The following SORCS2 variants were observed in gnomAD, a reference collection of about 807,000 sequenced individuals.
SORCS2 encodes VPS10 domain-containing receptor SorCS2.
In SORCS2, 100 loss-of-function variants were observed where a neutral mutation model predicts 141.6. The observed-to-expected ratio is 0.71, with a 90% confidence interval of 0.60 to 0.83. The LOEUF (loss-of-function observed/expected upper bound fraction) is 0.83. SORCS2 is among the 40% of genes least tolerant of loss of function. The pLI, the probability that SORCS2 is intolerant of heterozygous loss-of-function variation, is 0.00. For missense variants in SORCS2, 1,646 were observed against 1,560.2 expected, an observed-to-expected ratio of 1.05 and a Z score of -0.93; for synonymous variants, 789 against 676.9, an observed-to-expected ratio of 1.17 and a Z score of -2.57.
At chr4:7,728,638 C>T (rs369643150) in intron 22 of SORCS2, among the ~76,000 whole-genome samples, 176 bp downstream of exon 22, 1 of 152,226 alleles carries the variant, frequency 6.6e-6, no homozygotes, top group East Asian at 1.9e-4. Flanking sequence ...GGGGCAGGCA[C>T]ACTGCCCTTA....
chr4:7,213,158 A>C (rs1728149254), intron 1 of SORCS2, among the ~76,000 whole-genome samples: 1 of 152,222 alleles, frequency 6.6e-6, no homozygotes, highest in African/African-American at 2.4e-5. Flanking sequence ...CCATATCCAC[A>C]ATAATCTGGC....
chr4:7,414,871 G>A (rs184614022), intron 2 of SORCS2, among the ~76,000 whole-genome samples: 139 of 152,228 alleles, frequency 9.1e-4, no homozygotes, highest in African/African-American at 3.0e-3. Context: ...TCAGTTAATT[G>A]CGCTCCTTTG....
intron 3 of SORCS2, among the ~76,000 whole-genome samples, chr4:7,602,704 A>T (rs1251209583): frequency 6.7e-6 from 1 of 148,620 alleles, no homozygotes; most frequent in Non-Finnish European, 1.5e-5. Context: ...GGCTCCTCAC[A>T]TCCCAGACGA....
At chr4:7,232,939 T>A (rs1712004899) in intron 1 of SORCS2, among the ~76,000 whole-genome samples, 1 of 152,182 alleles carries the variant, frequency 6.6e-6, no homozygotes, top group Non-Finnish European at 1.5e-5. Flanking sequence ...ATAGAGACAC[T>A]GCTGCACTGT....
chr4:7,606,573 C>T (rs977255176), intron 3 of SORCS2, among the ~76,000 whole-genome samples: 4 of 152,084 alleles, frequency 2.6e-5, no homozygotes, highest in Non-Finnish European at 2.9e-5. Flanking sequence ...TCCTGAACCT[C>T]CTCAGGAACA....
intron 2 of SORCS2, among the ~76,000 whole-genome samples, chr4:7,465,465 G>A (rs1023005307): frequency 2.6e-5 from 4 of 152,208 alleles, no homozygotes; most frequent in Non-Finnish European, 4.4e-5. Context: ...GCTTCCCTGT[G>A]CAAGGCGCCA....
chr4:7,577,944 A>T (rs1365655184), intron 3 of SORCS2, among the ~76,000 whole-genome samples: 1 of 151,940 alleles, frequency 6.6e-6, no homozygotes, highest in African/African-American at 2.4e-5. Flanking sequence ...TGGAGAAGTC[A>T]TATAGCATAC....
At chr4:7,206,490 A>G (rs999712807) in intron 1 of SORCS2, among the ~76,000 whole-genome samples, 4 of 152,178 alleles carry the variant, frequency 2.6e-5, no homozygotes, top group African/African-American at 7.2e-5. Flanking sequence ...TGCCGGCTCC[A>G]CGAGTAACCT....
chr4:7,715,862 C>T (rs577152734), intron 17 of SORCS2, among the ~76,000 whole-genome samples: 1 of 152,306 alleles, frequency 6.6e-6, no homozygotes, highest in South Asian at 2.1e-4. Context: ...TGACCCCGAG[C>T]CTGCCTCTGT....
chr4:7,579,986 A>G (rs1716036752), intron 3 of SORCS2, among the ~76,000 whole-genome samples: 2 of 152,120 alleles, frequency 1.3e-5, no homozygotes, highest in Non-Finnish European at 2.9e-5. Context: ...TAGGCAAGGA[A>G]GTGGGGACAT....
intron 1 of SORCS2, among the ~76,000 whole-genome samples, chr4:7,344,092 G>T (rs540152656): frequency 6.6e-6 from 1 of 152,346 alleles, no homozygotes; most frequent in African/African-American, 2.4e-5. Context: ...GGTGGGTGCG[G>T]TGTGGACGTG....
At chr4:7,407,848 G>T (rs1725068384) in intron 2 of SORCS2, among the ~76,000 whole-genome samples, 2 of 151,674 alleles carry the variant, frequency 1.3e-5, no homozygotes, top group African/African-American at 4.8e-5. Flanking sequence ...TCTATTATAG[G>T]TTTTTGCATT....
At chr4:7,262,389 TCC>T (rs1714414024) in intron 1 of SORCS2, among the ~76,000 whole-genome samples, 1 of 100,744 alleles carries the variant, frequency 9.9e-6, no homozygotes, top group Admixed American at 8.9e-5. Context: ...CATCCATCCA[TCC>T]ATCCATCCAT....
intron 3 of SORCS2, among the ~76,000 whole-genome samples, chr4:7,602,519 G>C (rs1200408089): frequency 1.3e-5 from 2 of 151,778 alleles, no homozygotes; most frequent in Non-Finnish European, 2.9e-5. Context: ...CAGACGATGG[G>C]CGGCCGGGCA....
chr4:7,725,136 C>CT lies in SORCS2; in HGVS notation c.2612-13dup, dbSNP rs750035784. 3.7e-5 allele frequency: 60 copies of CT among 1,610,538 alleles called. No individual in the cohort carries two copies. Among genetic ancestry groups the CT allele is most frequent in the Non-Finnish European group, 4.9e-5 (58 of 1,178,282 alleles). Reference sequence around the variant, plus strand: ...TGCCCTGATATCATCTAACCCTGGCCTTTTTGGGTCCCCACAGCCCCCCTG... The same window carrying CT: ...TGCCCTGATATCATCTAACCCTGGCCTTTTTTGGGTCCCCACAGCCCCCCTG... On this transcript the variant is annotated splice_polypyrimidine_tract_variant and intron_variant, in intron 19 of 26. Coordinates refer to ENST00000507866, the MANE Select transcript of SORCS2 (RefSeq NM_020777.3).
intron 1 of SORCS2, among the ~76,000 whole-genome samples, chr4:7,373,472 A>AATTTTTTTTTT: frequency 1.7e-5 from 1 of 57,694 alleles, no homozygotes; most frequent in East Asian, 1.3e-3. Context: ...ATATATATAT[A>AATTTTTTTTTT]TATATATTTT....
chr4:7,380,008 C>G (rs1041506908), intron 1 of SORCS2, among the ~76,000 whole-genome samples: 4 of 152,222 alleles, frequency 2.6e-5, no homozygotes, highest in Admixed American at 2.6e-4. Context: ...ATGCCCAGAG[C>G]CTGGCTGAGG....
intron 1 of SORCS2, among the ~76,000 whole-genome samples, chr4:7,326,224 G>T (rs1198087585): frequency 6.6e-6 from 1 of 152,230 alleles, no homozygotes. Flanking sequence ...TAAGACAGAG[G>T]GTTCTGTCCT....
intron 1 of SORCS2, among the ~76,000 whole-genome samples, chr4:7,331,649 G>A (rs930296693): frequency 4.6e-5 from 7 of 152,126 alleles, no homozygotes; most frequent in Admixed American, 3.3e-4. Flanking sequence ...GTCCACCCAC[G>A]CCCCCGGGGA....
Sources: allele counts gnomAD v4.1 joint callset (sites outside exome capture counted in the v4.1 genomes callset), GRCh38; gene constraint gnomAD v4.1.1; transcripts MANE v1.5; gene names NCBI Gene and HGNC (gene_info 2026-07-23, HGNC 2026-07-21).